Variants in DENND2B observed in about 807,000 individuals in gnomAD.
DENND2B encodes the protein DENN domain-containing protein 2B.
Under a neutral mutation model 116.0 loss-of-function variants are expected in DENND2B, and 32 were observed. The ratio of observed to expected loss-of-function variants is 0.28; its 90% CI spans 0.21 to 0.37. The LOEUF (loss-of-function observed/expected upper bound fraction) is 0.37, where lower values mean the gene tolerates loss of function less well. Among genes scored for constraint, DENND2B ranks in the 10% least tolerant of loss-of-function variants. The probability of loss-of-function intolerance (pLI) is 1.00; values close to 1 mark genes in which losing one functional copy is unlikely to be tolerated. For missense variants in DENND2B, 1,276 were observed against 1,477.7 expected (o/e 0.86, Z 2.24); for synonymous variants, 588 against 583.9 (o/e 1.01, Z -0.10).
intron 3 of DENND2B, among the ~76,000 whole-genome samples, chr11:8,844,156 T>C (rs2062721983): frequency 1.3e-5 from 2 of 152,158 alleles, no homozygotes; most frequent in Non-Finnish European, 2.9e-5. Context: ...TCCCAGCACT[T>C]GAGGAGGCTG....
At chr11:8,695,373 T>G in intron 19 of DENND2B, 90 bp downstream of exon 19, 12 of 1,196,178 alleles carry the variant, frequency 1.0e-5, no homozygotes, top group African/African-American at 1.5e-5. Flanking sequence ...TAACACCTGT[T>G]GACATTGATT....
At chr11:8,890,143 G>A (rs1489056593) in intron 1 of DENND2B, among the ~76,000 whole-genome samples, 1 of 152,162 alleles carries the variant, frequency 6.6e-6, no homozygotes, top group Non-Finnish European at 1.5e-5. Context: ...GTCTGGAGTG[G>A]ACCTCCAGCA....
chr11:8,751,598 CG>C (rs36054123), intron 1 of DENND2B, among the ~76,000 whole-genome samples: 33,484 of 151,954 alleles, frequency 0.22, 3,821 homozygotes, highest in South Asian at 0.34. Context: ...CGAACACATC[CG>C]AACATCAGAA....
chr11:8,755,428 T>G (rs1478484372), intron 1 of DENND2B, among the ~76,000 whole-genome samples: 1 of 152,208 alleles, frequency 6.6e-6, no homozygotes, highest in Non-Finnish European at 1.5e-5. Flanking sequence ...GTACTAGCTC[T>G]AATTTTAACT....
intron 6 of DENND2B, 51 bp downstream of exon 6, chr11:8,715,552 G>T: frequency 6.3e-7 from 1 of 1,581,280 alleles, no homozygotes; most frequent in Non-Finnish European, 8.6e-7. Context: ...AAGGCTGGCT[G>T]CCTGCCCGCC....
At chr11:8,772,796 G>A (rs967326967) in intron 1 of DENND2B, among the ~76,000 whole-genome samples, 6 of 152,154 alleles carry the variant, frequency 3.9e-5, no homozygotes, top group African/African-American at 1.4e-4. Context: ...CTGCCTGGGG[G>A]TGGCAGGCAG....
At chr11:8,854,454 G>A (rs904179446) in intron 3 of DENND2B, among the ~76,000 whole-genome samples, 2 of 152,010 alleles carry the variant, frequency 1.3e-5, no homozygotes, top group East Asian at 1.9e-4. Flanking sequence ...CACCTGCGTC[G>A]GCCTCCCAAA....
At position 8,707,613 on chromosome 11, in the gene DENND2B, C is replaced by T. The variant is rs898348237; in HGVS notation, c.2430+164G>A. Among the ~76,000 whole-genome samples, 17 of 152,194 alleles carry T rather than the reference C, an allele frequency of 1.1e-4. No homozygotes were observed. Among genetic ancestry groups the T allele is most frequent in the African/African-American group, 1.2e-4 (5 of 41,446 alleles). ...CAGCCAGCTGGGTAGAGAACCAGGC[C>T]GGGGAATGGGAGGGTGTCAGAGAGC... On this transcript the variant is annotated intron_variant, in intron 12 of 19. Transcript: ENST00000313726. This position sits in a 1 kb window ranked among gnomAD's most constrained non-coding sequence, Gnocchi z 4.8.
intron 1 of DENND2B, among the ~76,000 whole-genome samples, chr11:8,775,475 A>G (rs1319889304): frequency 6.6e-6 from 1 of 152,140 alleles, no homozygotes; most frequent in African/African-American, 2.4e-5. Flanking sequence ...GTAACCCCTC[A>G]AAGCCACTAA....
intron 4 of DENND2B, chr11:8,719,199 G>A: frequency 1.0e-6 from 1 of 985,528 alleles, no homozygotes; most frequent in Non-Finnish European, 1.2e-6. Context: ...TTCCTAGAGA[G>A]GACACGGGAG....
intron 2 of DENND2B, among the ~76,000 whole-genome samples, chr11:8,733,583 C>T (rs765126124): frequency 1.3e-5 from 2 of 152,188 alleles, no homozygotes; most frequent in Admixed American, 6.5e-5. Context: ...TTAAACTATA[C>T]ATGCCTCACC....
At chr11:8,696,824 C>G (rs2133668870) in intron 17 of DENND2B, among the ~76,000 whole-genome samples, 158 bp from the exon 18 acceptor site, 1 of 152,348 alleles carries the variant, frequency 6.6e-6, no homozygotes, top group East Asian at 1.9e-4. Context: ...ACTCTTGTTG[C>G]CCAAGTTAGA....
chr11:8,745,104 A>G (rs2134011879), intron 2 of DENND2B, among the ~76,000 whole-genome samples: 1 of 152,072 alleles, frequency 6.6e-6, no homozygotes, highest in East Asian at 1.9e-4. Flanking sequence ...TTTGGTAGAG[A>G]GGGGGTTTCA....
At chr11:8,903,334 T>C (rs2064193378) in intron 1 of DENND2B, among the ~76,000 whole-genome samples, 1 of 151,948 alleles carries the variant, frequency 6.6e-6, no homozygotes, top group Non-Finnish European at 1.5e-5. Context: ...AATCAATCAC[T>C]TGAACCTGGG....
At chr11:8,846,765 A>C (rs1012969036) in intron 3 of DENND2B, among the ~76,000 whole-genome samples, 10 of 152,100 alleles carry the variant, frequency 6.6e-5, no homozygotes, top group African/African-American at 2.4e-4. Flanking sequence ...AACCCTCATC[A>C]TTCTCTGTTT....
chr11:8,776,355 C>A, intron 1 of DENND2B: 1 of 407,696 alleles, frequency 2.5e-6, no homozygotes, highest in Non-Finnish European at 4.9e-6. Context: ...TCCCCTGAAG[C>A]TCAGGCTGAG....
At chr11:8,873,343 G>A (rs2063811751), upstream of DENND2B, among the ~76,000 whole-genome samples, 1 of 152,184 alleles carries the variant, frequency 6.6e-6, no homozygotes, top group South Asian at 2.1e-4. Flanking sequence ...ATAAATACTT[G>A]TTCTTTTTGT....
intron 1 of DENND2B, among the ~76,000 whole-genome samples, chr11:8,765,662 A>G (rs1487534429): frequency 6.7e-6 from 1 of 149,298 alleles, no homozygotes; most frequent in Non-Finnish European, 1.5e-5. Flanking sequence ...AATGGAATAT[A>G]AATATTTTTC....
chr11:8,841,166 C>T (rs897618885), intron 3 of DENND2B, among the ~76,000 whole-genome samples: 2 of 151,956 alleles, frequency 1.3e-5, no homozygotes, highest in Non-Finnish European at 2.9e-5. Context: ...TCTTATTAGC[C>T]CATTTTCTTG....
Sources: gnomAD v4.1 joint callset for allele counts (sites outside exome capture counted in the v4.1 genomes callset) on GRCh38, gnomAD v4.1.1 for gene constraint, Gnocchi (gnomAD v3.1) non-coding constraint, MANE v1.5 for transcripts, NCBI Gene and HGNC (gene_info 2026-07-23, HGNC 2026-07-21) for gene names.